Variants in LRMDA observed in about 807,000 individuals in gnomAD.
The protein encoded by LRMDA is leucine rich melanocyte differentiation associated.
A neutral mutation model predicts 29.8 loss-of-function variants in LRMDA; 18 were observed. That is an observed-to-expected ratio of 0.60 (90% CI 0.42 to 0.90). The LOEUF is 0.90. Ranked by LOEUF, LRMDA falls within the 40% of genes least tolerant of loss-of-function variation. The pLI, the probability that LRMDA is intolerant of heterozygous loss-of-function variation, is 0.00. For synonymous variants in LRMDA, 125 were observed against 109.4 expected (o/e 1.14, Z -0.89); for missense variants, 273 against 273.9 (o/e 1.00, Z 0.02).
chr10:76,123,457 T>C (rs1849825344), intron 5 of LRMDA, among the ~76,000 whole-genome samples: 1 of 152,104 alleles, frequency 6.6e-6, no homozygotes. Context: ...TGCAGTGAGC[T>C]GTGATTGTGC....
intron 2 of LRMDA, among the ~76,000 whole-genome samples, chr10:75,883,043 C>T (rs1011418902): frequency 2.0e-5 from 3 of 152,136 alleles, no homozygotes; most frequent in East Asian, 1.9e-4. Flanking sequence ...ACCCATGGAC[C>T]GAGGCCTCAT....
At chr10:75,836,279 G>A (rs1198221803) in intron 2 of LRMDA, among the ~76,000 whole-genome samples, 6 of 152,162 alleles carry the variant, frequency 3.9e-5, no homozygotes, top group African/African-American at 9.7e-5. Context: ...ACATGTTATA[G>A]AGCTCAAGAG....
At chr10:76,067,419 C>T (rs908062194) in intron 5 of LRMDA, among the ~76,000 whole-genome samples, 1 of 151,992 alleles carries the variant, frequency 6.6e-6, no homozygotes, top group Non-Finnish European at 1.5e-5. Context: ...TTCTTTTTAT[C>T]ATTATTTTTA....
chr10:76,443,609 T>C (rs983943328), intron 6 of LRMDA, among the ~76,000 whole-genome samples: 36 of 152,304 alleles, frequency 2.4e-4, no homozygotes, highest in Non-Finnish European at 3.8e-4. Flanking sequence ...CAATACAGCA[T>C]AGTGTAGAGT....
intron 2 of LRMDA, among the ~76,000 whole-genome samples, chr10:75,778,540 A>T (rs946585081): frequency 6.6e-6 from 1 of 152,116 alleles, no homozygotes; most frequent in Non-Finnish European, 1.5e-5. Context: ...CTTTCTCTGT[A>T]GTCAATCAAT....
At chr10:75,811,623 A>G (rs1320826047) in intron 2 of LRMDA, among the ~76,000 whole-genome samples, 1 of 152,210 alleles carries the variant, frequency 6.6e-6, no homozygotes, top group African/African-American at 2.4e-5. Flanking sequence ...TTTGCTTATT[A>G]AATCAAATAA....
At chr10:75,521,479 G>A (rs1845357290) in intron 2 of LRMDA, among the ~76,000 whole-genome samples, 1 of 152,252 alleles carries the variant, frequency 6.6e-6, no homozygotes, top group African/African-American at 2.4e-5. Context: ...TGCGCTAGCA[G>A]TGAGCAAGGC....
At chr10:75,810,842 A>G (rs1399063110) in intron 2 of LRMDA, among the ~76,000 whole-genome samples, 1 of 152,224 alleles carries the variant, frequency 6.6e-6, no homozygotes, top group Non-Finnish European at 1.5e-5. Flanking sequence ...GTTGGAGCAG[A>G]TGCTGTATAG....
chr10:75,895,178 A>G (rs1409330928), intron 2 of LRMDA, among the ~76,000 whole-genome samples: 1 of 152,166 alleles, frequency 6.6e-6, no homozygotes, highest in African/African-American at 2.4e-5. Flanking sequence ...GACTTTATTC[A>G]TTGGATGATG....
intron 2 of LRMDA, among the ~76,000 whole-genome samples, chr10:75,511,107 C>T (rs879880043): frequency 1.3e-4 from 19 of 151,992 alleles, no homozygotes; most frequent in Non-Finnish European, 1.9e-4. Flanking sequence ...GTGGGCAGAT[C>T]GCTTGAGCCC....
intron 2 of LRMDA, among the ~76,000 whole-genome samples, chr10:75,949,879 G>A (rs761349648): frequency 3.6e-4 from 55 of 152,122 alleles, no homozygotes; most frequent in Non-Finnish European, 6.3e-4. Context: ...AAGATGTTGC[G>A]AAGAGGGCAT....
intron 2 of LRMDA, among the ~76,000 whole-genome samples, chr10:75,616,240 TAGCAGCAGTAGCAGCAGCAGCAGC>T (rs1190132351): frequency 2.7e-5 from 4 of 146,894 alleles, no homozygotes; most frequent in African/African-American, 1.1e-4. Flanking sequence ...ATAGTAGCAG[TAGCAGCAGTAGCAGCAGCAGCAGC>T]AGCAGCAGCA....
chr10:76,075,723 A>G (rs971980383), intron 5 of LRMDA, among the ~76,000 whole-genome samples: 5 of 152,162 alleles, frequency 3.3e-5, no homozygotes, highest in Non-Finnish European at 5.9e-5. Context: ...AGTGATGCAG[A>G]TGAACTCTGA....
At chr10:76,343,912 G>C (rs1406998592) in intron 6 of LRMDA, among the ~76,000 whole-genome samples, 1 of 150,368 alleles carries the variant, frequency 6.7e-6, no homozygotes, top group African/African-American at 2.5e-5. Context: ...CAGCCTCCCA[G>C]GTTCAAGAAA....
chr10:75,605,432 C>T (rs1176574205), intron 2 of LRMDA, among the ~76,000 whole-genome samples: 2 of 152,288 alleles, frequency 1.3e-5, no homozygotes, highest in Admixed American at 6.5e-5. Context: ...AGCAGAGAAT[C>T]GCACCTAGAA....
At position 75,897,978 on chromosome 10, in the gene LRMDA, C is replaced by T. The variant is rs555269101; in HGVS notation, c.132-138030C>T. Among the ~76,000 whole-genome samples, 181 of 152,036 alleles carry T rather than the reference C, an allele frequency of 1.2e-3. 2 individuals are homozygous for T. In the South Asian group the frequency reaches 0.012, roughly 10 times the overall value. ...CTGGGATTACAGGCACCCACCACCA[C>T]GCCTGGCTAATTTTTTTTTGTATTT... On this transcript the variant is annotated intron_variant, in intron 2 of 6. Coordinates refer to ENST00000611255, the MANE Select transcript of LRMDA (RefSeq NM_001305581.2).
At chr10:76,457,224 G>A (rs756995446) in intron 6 of LRMDA, among the ~76,000 whole-genome samples, 37 of 152,022 alleles carry the variant, frequency 2.4e-4, no homozygotes, top group Non-Finnish European at 2.5e-4. Context: ...TCTTTTCTCC[G>A]CGTCAGCCAT....
At chr10:76,037,491 A>G (rs1488252622) in intron 3 of LRMDA, among the ~76,000 whole-genome samples, 2 of 152,232 alleles carry the variant, frequency 1.3e-5, no homozygotes, top group African/African-American at 4.8e-5. Context: ...CCATAAGTTA[A>G]TGTTTTCTTT....
At chr10:76,320,733 TAA>T (rs2132393407) in intron 5 of LRMDA, among the ~76,000 whole-genome samples, 1 of 152,376 alleles carries the variant, frequency 6.6e-6, no homozygotes, top group African/African-American at 2.4e-5. Context: ...ACATTTGTTT[TAA>T]GTCTTCTTTA....
Sources: gnomAD v4.1 joint callset for allele counts (sites outside exome capture counted in the v4.1 genomes callset) on GRCh38, gnomAD v4.1.1 for gene constraint, MANE v1.5 for transcripts, NCBI Gene and HGNC (gene_info 2026-07-23, HGNC 2026-07-21) for gene names.